The following RBM46 variants were observed in gnomAD, a reference collection of about 807,000 sequenced individuals.
RBM46 encodes probable RNA-binding protein 46.
RBM46 carries 12 observed loss-of-function variants against 43.3 expected under a neutral mutation model. The ratio of observed to expected loss-of-function variants is 0.28; its 90% CI spans 0.18 to 0.45. The LOEUF (loss-of-function observed/expected upper bound fraction) is 0.45, where lower values mean the gene tolerates loss of function less well. Among genes scored for constraint, RBM46 ranks in the 20% least tolerant of loss-of-function variants. The pLI is 1.00. For missense variants in RBM46, 412 were observed against 639.1 expected (o/e 0.64, Z 3.83); for synonymous variants, 205 against 207.6 (o/e 0.99, Z 0.11).
chr4:154,816,245 A>G (rs1462862082), intron 4 of RBM46, among the ~76,000 whole-genome samples: 1 of 152,110 alleles, frequency 6.6e-6, no homozygotes, highest in African/African-American at 2.4e-5. Context: ...GAATTTTAGA[A>G]TCAGTTTGTA....
intron 3 of RBM46, 22 bp from the exon 4 acceptor site, chr4:154,798,760 A>G: frequency 7.3e-7 from 1 of 1,368,944 alleles, no homozygotes; most frequent in Non-Finnish European, 9.3e-7. Flanking sequence ...ATTCTCTTCA[A>G]ATTATTATTT....
In RBM46 at chr4:154,827,093, A is replaced by C. The variant is rs77324161; in HGVS notation, c.1403-775A>C. ...TTTGGTCTGTAATATACACACACAC[A>C]TATAAATGTTGCAGTTAATGAAACA... On this transcript the variant is annotated intron_variant, in intron 4 of 4. Coordinates refer to ENST00000281722, the MANE Select transcript of RBM46 (RefSeq NM_144979.5). 8,355 of 1,096,732 alleles carry C rather than the reference A, an allele frequency of 7.6e-3. 454 individuals are homozygous for C. In the African/African-American group the frequency reaches 0.12, roughly 16 times the overall value. 67.9% of individuals were successfully genotyped at this position (1,096,732 alleles called of 1,614,324 possible). A position where few individuals can be genotyped will look rare whatever the true frequency, so the allele number is the denominator to read the frequency against.
At chr4:154,826,542 T>C (rs904361035) in intron 4 of RBM46, among the ~76,000 whole-genome samples, 1 of 152,152 alleles carries the variant, frequency 6.6e-6, no homozygotes, top group Non-Finnish European at 1.5e-5. Flanking sequence ...AAGTAAATGG[T>C]ATCAAAGTAA....
intron 4 of RBM46, among the ~76,000 whole-genome samples, chr4:154,801,591 A>G (rs1734642913): frequency 1.3e-5 from 2 of 152,190 alleles, no homozygotes; most frequent in Admixed American, 6.5e-5. Flanking sequence ...CTCCCAAGAT[A>G]CTTGTGTCTG....
intron 4 of RBM46, among the ~76,000 whole-genome samples, chr4:154,823,543 T>C (rs1578955127): frequency 6.6e-6 from 1 of 152,052 alleles, no homozygotes; most frequent in East Asian, 1.9e-4. Context: ...CACTTTTATC[T>C]CACTTTAAAG....
intron 4 of RBM46, chr4:154,827,424 G>A: frequency 2.0e-6 from 2 of 994,570 alleles, no homozygotes; most frequent in South Asian, 9.1e-5. Context: ...TGCAGTCCAG[G>A]GGTGAATGTT....
intron 1 of RBM46, among the ~76,000 whole-genome samples, chr4:154,790,668 A>G (rs1206736802): frequency 1.3e-5 from 2 of 152,216 alleles, no homozygotes; most frequent in Non-Finnish European, 2.9e-5. Context: ...GCAGAATTCT[A>G]TTACTAATGG....
chr4:154,817,947 T>C (rs549852197), intron 4 of RBM46, among the ~76,000 whole-genome samples: 1 of 152,260 alleles, frequency 6.6e-6, no homozygotes, highest in South Asian at 2.1e-4. Context: ...CCTAACTTAC[T>C]GAAGTCTAAT....
chr4:154,827,744 C>T (rs1045548292), intron 4 of RBM46, 124 bp from the exon 5 acceptor site: 2 of 1,524,040 alleles, frequency 1.3e-6, no homozygotes, highest in African/African-American at 2.8e-5. Flanking sequence ...AATATAGTAT[C>T]ATCAAGATTT....
Position 154,807,309 on chromosome 4 carries a change from G to A in RBM46, c.1402+7745G>A, listed in dbSNP as rs113532731. On this transcript the variant is annotated intron_variant, in intron 4 of 4. Transcript: ENST00000281722. ...GCTTTAAAAGGAAATTTAATGTTACGTTGATTTGTAGCTCCTCTTTGTCTT... is the reference window on the plus strand; with the variant it reads ...GCTTTAAAAGGAAATTTAATGTTACATTGATTTGTAGCTCCTCTTTGTCTT... Among the ~76,000 whole-genome samples the A allele has an allele frequency of 3.7e-3, 564 of 151,466 alleles. 5 individuals carry two copies. Among genetic ancestry groups the A allele is most frequent in the African/African-American group, 0.013 (536 of 41,378 alleles).
chr4:154,819,061 G>A (rs1224315238), intron 4 of RBM46, among the ~76,000 whole-genome samples: 1 of 152,086 alleles, frequency 6.6e-6, no homozygotes, highest in African/African-American at 2.4e-5. Context: ...GGTTTTAGGT[G>A]ATAGTAATTT....
At chr4:154,815,859 A>T (rs1196129565) in intron 4 of RBM46, among the ~76,000 whole-genome samples, 1 of 152,008 alleles carries the variant, frequency 6.6e-6, no homozygotes, top group Non-Finnish European at 1.5e-5. Context: ...AGGGTCATGA[A>T]ATATTTTCTT....
At chr4:154,827,160 G>A in intron 4 of RBM46, 1 of 916,356 alleles carries the variant, frequency 1.1e-6, no homozygotes, top group Non-Finnish European at 1.3e-6. Context: ...TTGTGAAACA[G>A]TATTTCAAAT....
intron 2 of RBM46, 89 bp downstream of exon 2, chr4:154,796,992 G>C (rs1233878339): frequency 1.4e-5 from 15 of 1,099,166 alleles, no homozygotes; most frequent in Non-Finnish European, 5.2e-6. Context: ...CCAAACAATA[G>C]CTCTCTCCTT....
chr4:154,810,349 CT>C (rs1003320749), intron 4 of RBM46, among the ~76,000 whole-genome samples: 1 of 152,038 alleles, frequency 6.6e-6, no homozygotes, highest in Non-Finnish European at 1.5e-5. Context: ...GTTTTGGTTG[CT>C]TTTGGGCACC....
intron 4 of RBM46, 148 bp downstream of exon 4, chr4:154,799,712 C>T (rs1160698441): frequency 8.3e-6 from 4 of 483,678 alleles, no homozygotes; most frequent in Admixed American, 4.2e-5. Context: ...TGATAACTTT[C>T]TTGAAACTTG....
chr4:154,813,301 T>TA (rs1560908877), intron 4 of RBM46, among the ~76,000 whole-genome samples: 1 of 152,140 alleles, frequency 6.6e-6, no homozygotes, highest in South Asian at 2.1e-4. Flanking sequence ...GTCACCAAAG[T>TA]AAAAATTACC....
Position 154,803,035 on chromosome 4 carries a change from A to G in RBM46, c.1402+3471A>G, listed in dbSNP as rs143240064. Among the ~76,000 whole-genome samples the G allele has an allele frequency of 9.4e-4, 143 of 152,282 alleles. 1 individual carries two copies. The highest frequency in any genetic ancestry group is 2.5e-3 in the Admixed American group (38 of 15,294). On this transcript the variant is annotated intron_variant, in intron 4 of 4. Coordinates refer to ENST00000281722, the MANE Select transcript of RBM46 (RefSeq NM_144979.5). ...AAAATTAGGCTTTGCTTAAATGGCA[A>G]TCATTGCTGTTATGAAAAAAAATGT...
chr4:154,782,254 G>T (rs1193136053), intron 1 of RBM46, among the ~76,000 whole-genome samples: 1 of 152,192 alleles, frequency 6.6e-6, no homozygotes, highest in African/African-American at 2.4e-5. Flanking sequence ...AAAAACCACA[G>T]AACCAGCGGC....
Sources: gnomAD v4.1 joint callset for allele counts (sites outside exome capture counted in the v4.1 genomes callset) on GRCh38, gnomAD v4.1.1 for gene constraint, MANE v1.5 for transcripts, NCBI Gene and HGNC (gene_info 2026-07-23, HGNC 2026-07-21) for gene names.